Variants in ART3 observed in about 807,000 individuals in gnomAD.
ART3 encodes the protein ADP-ribosyltransferase 3 (inactive).
In ART3, 49 loss-of-function variants were observed where a neutral mutation model predicts 48.5. The ratio of observed to expected loss-of-function variants is 1.01; its 90% CI spans 0.80 to 1.28. The LOEUF (loss-of-function observed/expected upper bound fraction) is 1.28. Among genes scored for constraint, ART3 ranks in the 50% most tolerant of loss-of-function variants. The pLI is 0.00. For missense variants in ART3, 438 were observed against 454.3 expected, an observed-to-expected ratio of 0.96 and a Z score of 0.33; for synonymous variants, 145 against 157.2, an observed-to-expected ratio of 0.92 and a Z score of 0.58.
chr4:76,019,504 T>C, intron 1 of ART3, among the ~76,000 whole-genome samples: 1 of 5,206 alleles, frequency 1.9e-4, no homozygotes, highest in Non-Finnish European at 3.8e-4. Context: ...CTGGGCACCC[T>C]GTAATCCCAG....
At chr4:76,096,081 C>T (rs1208562475) in intron 3 of ART3, among the ~76,000 whole-genome samples, 2 of 152,136 alleles carry the variant, frequency 1.3e-5, no homozygotes, top group African/African-American at 4.8e-5. Flanking sequence ...CACCATCACG[C>T]TGGACTAATT....
intron 1 of ART3, chr4:76,023,531 G>T: frequency 9.4e-7 from 1 of 1,066,692 alleles, no homozygotes; most frequent in Non-Finnish European, 1.5e-6. Flanking sequence ...ATATTTATCT[G>T]CAAAGCCATT....
chr4:76,071,776 C>T (rs999529086), upstream of ART3, among the ~76,000 whole-genome samples: 2 of 152,214 alleles, frequency 1.3e-5, no homozygotes, highest in African/African-American at 4.8e-5. Flanking sequence ...CAACTCCATC[C>T]TTCCAGCTAT....
At position 76,040,437 on chromosome 4, in the gene ART3, T is replaced by TACACACACAC. The variant is rs748020159; in HGVS notation, c.-10+29151_-10+29160dup. 3.5e-4 allele frequency among the ~76,000 whole-genome samples: 31 copies of TACACACACAC among 88,490 alleles called. No individual in the cohort carries two copies. In the East Asian group the frequency reaches 4.4e-3, roughly 13 times the overall value. The allele number at this position is 88,490 out of a possible 152,430, so 58.1% of individuals were successfully genotyped here. On this transcript the variant is annotated intron_variant, in intron 1 of 9. Coordinates refer to the ART3 transcript ENST00000341029. ...TGGATGGATACGCACATACACTGGA[T>TACACACACAC]ACACACACACACACACACACACACA... is the stretch of plus-strand genomic sequence containing the variant.
Position 76,098,955 on chromosome 4 carries a change from A to G in ART3, c.815A>G (p.Glu272Gly). 1 of 1,606,400 alleles carries G rather than the reference A, an allele frequency of 6.2e-7. No homozygotes were observed. Among genetic ancestry groups the G allele is most frequent in the Non-Finnish European group, 8.5e-7 (1 of 1,173,068 alleles). Residue 272 changes from glutamate to glycine, a missense_variant and splice_region_variant, in exon 5 of 12, where the codon GAA becomes GGA. Glu to Gly is a moderately conservative substitution (Grantham distance 98). Coordinates refer to ENST00000355810, the MANE Select transcript of ART3 (RefSeq NM_001130016.3). ...TAATGAAAACATGTCTGTATTTCAG[A>G]ATATTTTCAACCCATCTATGTCTAC... ...LKTENCIENL[E>G]YFQPIYVYNP...
intron 1 of ART3, chr4:76,034,231 A>G (rs1021789800): frequency 7.7e-6 from 3 of 389,696 alleles, no homozygotes; most frequent in Non-Finnish European, 1.4e-5. Context: ...GTGTATTTGC[A>G]TGAAAAAATG....
chr4:76,078,920 A>G (rs1721762280), intron 2 of ART3, among the ~76,000 whole-genome samples: 1 of 152,114 alleles, frequency 6.6e-6, no homozygotes, highest in South Asian at 2.1e-4. Flanking sequence ...CTCTACTAAA[A>G]ATACAGAAAA....
At chr4:76,036,097 T>C in intron 1 of ART3, 1 of 953,468 alleles carries the variant, frequency 1.0e-6, no homozygotes, top group East Asian at 2.5e-5. Context: ...AATTGGCATA[T>C]ATAGAGCATT....
At chr4:76,034,771 G>GA in intron 1 of ART3, 1 of 1,497,692 alleles carries the variant, frequency 6.7e-7, no homozygotes. Flanking sequence ...TCTTTTCCAG[G>GA]ACTTCATATG....
intron 1 of ART3, among the ~76,000 whole-genome samples, chr4:76,057,447 G>A (rs1189317985): frequency 6.6e-6 from 1 of 152,162 alleles, no homozygotes; most frequent in African/African-American, 2.4e-5. Flanking sequence ...AATATTAGGG[G>A]AAGAGGAGTG....
In ART3 at chr4:76,099,055, G is replaced by T. The variant is rs762381503; in HGVS notation, c.847+68G>T. 7.1e-6 allele frequency: 10 copies of T among 1,417,188 alleles called. No individual in the cohort carries two copies. In the South Asian group the frequency reaches 1.2e-4, roughly 17 times the overall value. 87.8% of individuals were successfully genotyped at this position (1,417,188 alleles called of 1,614,324 possible). On this transcript the variant is annotated intron_variant, in intron 5 of 11. Coordinates refer to ENST00000355810, the MANE Select transcript of ART3 (RefSeq NM_001130016.3). The stretch of plus-strand genomic sequence containing the variant: ...GGTGGCTCACGCCTGTAATCCCAGC[G>T]CTTTGGAAGGCCGAGGTGAGTGGAT...
chr4:76,105,364 C>T (rs77331676), intron 10 of ART3, among the ~76,000 whole-genome samples: 4,650 of 152,254 alleles, frequency 0.031, 197 homozygotes, highest in African/African-American at 0.094. Flanking sequence ...TCACTTTCTA[C>T]GCCCCTGCTT....
chr4:76,099,067 C>CGAGGT, intron 5 of ART3, 80 bp downstream of exon 5: 1 of 1,290,484 alleles, frequency 7.7e-7, no homozygotes, highest in Non-Finnish European at 1.1e-6. Context: ...TTTGGAAGGC[C>CGAGGT]GAGGTGAGTG....
chr4:76,021,888 C>T, intron 1 of ART3: 1 of 1,588,350 alleles, frequency 6.3e-7, no homozygotes, highest in Middle Eastern at 1.7e-4. Flanking sequence ...TCTGTGTGGT[C>T]CATCCTTGGA....
chr4:76,067,539 A>ACAGCTAGAG (rs1719865923), intron 1 of ART3, among the ~76,000 whole-genome samples: 3 of 152,248 alleles, frequency 2.0e-5, no homozygotes, highest in Admixed American at 2.0e-4. Context: ...AACAGCTAGA[A>ACAGCTAGAG]CTAACAGAGA....
intron 3 of ART3, among the ~76,000 whole-genome samples, chr4:76,085,322 C>T (rs972481523): frequency 6.6e-6 from 1 of 152,098 alleles, no homozygotes; most frequent in African/African-American, 2.4e-5. Flanking sequence ...ATAAAAAAGG[C>T]TGGGTGGTAG....
At chr4:76,102,083 G>A (rs907945793) in intron 8 of ART3, among the ~76,000 whole-genome samples, 8 of 152,168 alleles carry the variant, frequency 5.3e-5, no homozygotes, top group Non-Finnish European at 1.0e-4. Flanking sequence ...CATAGAATAA[G>A]CATTCATTGA....
At chr4:76,016,737 A>G (rs1182824695) in intron 1 of ART3, among the ~76,000 whole-genome samples, 2 of 152,172 alleles carry the variant, frequency 1.3e-5, no homozygotes, top group Non-Finnish European at 2.9e-5. Flanking sequence ...AACCTTAGAT[A>G]TCTCCCTGGT....
intron 11 of ART3, among the ~76,000 whole-genome samples, chr4:76,108,407 G>A (rs547521456): frequency 6.6e-6 from 1 of 152,246 alleles, no homozygotes; most frequent in Non-Finnish European, 1.5e-5. Flanking sequence ...TAGGTTCTGA[G>A]TTTGATTATT....
Sources: gnomAD v4.1 joint callset for allele counts (sites outside exome capture counted in the v4.1 genomes callset) on GRCh38, gnomAD v4.1.1 for gene constraint, MANE v1.5 for transcripts, NCBI Gene and HGNC (gene_info 2026-07-23, HGNC 2026-07-21) for gene names.